The following KCTD16 variants were observed in gnomAD, a reference collection of about 807,000 sequenced individuals.
The protein encoded by KCTD16 is potassium channel tetramerization domain containing 16, also known as BTB/POZ domain-containing protein KCTD16.
A neutral mutation model predicts 33.2 loss-of-function variants in KCTD16; 13 were observed. That is an observed-to-expected ratio of 0.39 (90% CI 0.25 to 0.62). The LOEUF is 0.62. Ranked by LOEUF, KCTD16 falls within the 20% of genes least tolerant of loss-of-function variation. The pLI, the probability that KCTD16 is intolerant of heterozygous loss-of-function variation, is 0.50. For synonymous variants in KCTD16, 197 were observed against 195.3 expected, an observed-to-expected ratio of 1.01 and a Z score of -0.07; for missense variants, 441 against 525.1, an observed-to-expected ratio of 0.84 and a Z score of 1.57.
intron 3 of KCTD16, among the ~76,000 whole-genome samples, chr5:144,395,502 A>T (rs1364955649): frequency 6.6e-6 from 1 of 152,162 alleles, no homozygotes; most frequent in African/African-American, 2.4e-5. Context: ...GTCTCAGCAC[A>T]GTTGTTTGGT....
intron 3 of KCTD16, among the ~76,000 whole-genome samples, chr5:144,285,539 A>C (rs1207898432): frequency 1.3e-5 from 2 of 152,208 alleles, no homozygotes; most frequent in Non-Finnish European, 2.9e-5. Context: ...TCCAGATATC[A>C]ATATGGGAAC....
At chr5:144,177,064 G>T (rs1752525493) in intron 2 of KCTD16, among the ~76,000 whole-genome samples, 1 of 151,970 alleles carries the variant, frequency 6.6e-6, no homozygotes, top group Non-Finnish European at 1.5e-5. Context: ...TGTTGTTGTT[G>T]TTGCAATTGC....
chr5:144,416,939 C>T (rs1753067770), intron 3 of KCTD16, among the ~76,000 whole-genome samples: 1 of 152,130 alleles, frequency 6.6e-6, no homozygotes, highest in Non-Finnish European at 1.5e-5. Context: ...TACCATCTAG[C>T]ATGTATCAAT....
intron 3 of KCTD16, among the ~76,000 whole-genome samples, chr5:144,446,804 A>T (rs1201654645): frequency 6.6e-6 from 1 of 152,234 alleles, no homozygotes; most frequent in Non-Finnish European, 1.5e-5. Flanking sequence ...ACATATGAAA[A>T]AAAGCTCATC....
At position 144,388,180 on chromosome 5, in the gene KCTD16, C is replaced by T. The variant is rs1368787174; in HGVS notation, c.833-85480C>T. On this transcript the variant is annotated intron_variant, in intron 3 of 3. Coordinates refer to ENST00000512467, the MANE Select transcript of KCTD16 (RefSeq NM_020768.4). ...CTGCAAGCTCCGCCTCCCGGGTTCA[C>T]GCCATTCTCCTCTCTCAGCCTCCCG... is the stretch of plus-strand genomic sequence containing the variant. 6.8e-5 allele frequency among the ~76,000 whole-genome samples: 10 copies of T among 147,340 alleles called. No homozygotes were observed. In the Admixed American group the frequency reaches 6.9e-4, roughly 10 times the overall value.
intron 3 of KCTD16, among the ~76,000 whole-genome samples, chr5:144,321,012 C>T (rs955418717): frequency 2.0e-5 from 3 of 152,056 alleles, no homozygotes; most frequent in South Asian, 2.1e-4. Flanking sequence ...CATGCCACCA[C>T]ACTTGGGTAA....
Position 144,327,729 on chromosome 5 carries a change from A to G in KCTD16, c.832+120183A>G, listed in dbSNP as rs117012598. 3.9e-4 allele frequency among the ~76,000 whole-genome samples: 60 copies of G among 152,308 alleles called. No individual in the cohort carries two copies. In the East Asian group the frequency reaches 5.6e-3, roughly 14 times the overall value. On this transcript the variant is annotated intron_variant, in intron 3 of 3. Transcript: ENST00000512467. Reference sequence around the variant, plus strand: ...TTTTTCATCCTGCTTTTTATTTAATATATGTAGGATGTAATTCTATGAACA... The same window carrying G: ...TTTTTCATCCTGCTTTTTATTTAATGTATGTAGGATGTAATTCTATGAACA...
At chr5:144,203,823 C>T (rs1419837092) in intron 2 of KCTD16, among the ~76,000 whole-genome samples, 1 of 152,102 alleles carries the variant, frequency 6.6e-6, no homozygotes, top group Non-Finnish European at 1.5e-5. Flanking sequence ...GCAGTGCATG[C>T]CAAGTAAACT....
intron 3 of KCTD16, among the ~76,000 whole-genome samples, chr5:144,217,319 AG>A (rs1180279826): frequency 6.6e-6 from 1 of 152,204 alleles, no homozygotes; most frequent in Admixed American, 6.5e-5. Context: ...TTTTCTTTCT[AG>A]TCAACTAGGT....
At chr5:144,470,284 G>T (rs1418488553) in intron 3 of KCTD16, among the ~76,000 whole-genome samples, 2 of 152,120 alleles carry the variant, frequency 1.3e-5, no homozygotes, top group African/African-American at 2.4e-5. Context: ...GCTTACATGT[G>T]TCATTTCTGT....
intron 3 of KCTD16, among the ~76,000 whole-genome samples, chr5:144,234,216 G>C (rs1754184066): frequency 6.6e-6 from 1 of 152,082 alleles, no homozygotes; most frequent in African/African-American, 2.4e-5. Context: ...AAATTCAAAA[G>C]TCAAGACAAA....
At chr5:144,381,943 C>A (rs1318971416) in intron 3 of KCTD16, among the ~76,000 whole-genome samples, 1 of 152,112 alleles carries the variant, frequency 6.6e-6, no homozygotes, top group African/African-American at 2.4e-5. Flanking sequence ...CATTGCAGCA[C>A]TATTTACAAT....
chr5:144,345,579 A>G (rs959944810), intron 3 of KCTD16, among the ~76,000 whole-genome samples: 11 of 152,150 alleles, frequency 7.2e-5, no homozygotes, highest in African/African-American at 2.4e-4. Flanking sequence ...ATATTTACCG[A>G]GTACCTATCT....
intron 3 of KCTD16, among the ~76,000 whole-genome samples, chr5:144,222,687 G>C (rs1416043241): frequency 6.6e-6 from 1 of 152,220 alleles, no homozygotes; most frequent in Non-Finnish European, 1.5e-5. Flanking sequence ...CTTTTACACT[G>C]TTGGTGGGAC....
chr5:144,204,178 A>G (rs1753107565), intron 2 of KCTD16, among the ~76,000 whole-genome samples: 1 of 152,240 alleles, frequency 6.6e-6, no homozygotes, highest in Non-Finnish European at 1.5e-5. Flanking sequence ...TTTTTGGGCA[A>G]GAGTTGGCAA....
At chr5:144,219,513 C>CTTCTTT (rs1561533390) in intron 3 of KCTD16, among the ~76,000 whole-genome samples, 1 of 77,130 alleles carries the variant, frequency 1.3e-5, no homozygotes, top group Non-Finnish European at 2.3e-5. Context: ...TGTGCTGGGC[C>CTTCTTT]TTTTTTTTTT....
intron 3 of KCTD16, among the ~76,000 whole-genome samples, chr5:144,325,164 T>A (rs1400544509): frequency 1.3e-5 from 2 of 152,092 alleles, no homozygotes; most frequent in East Asian, 3.8e-4. Context: ...TTCCCTCTGA[T>A]TATTTGGACA....
intron 3 of KCTD16, among the ~76,000 whole-genome samples, chr5:144,248,410 G>T (rs1754607519): frequency 6.6e-6 from 1 of 152,184 alleles, no homozygotes; most frequent in African/African-American, 2.4e-5. Context: ...AAACAAACTG[G>T]CAGGAACTGT....
At position 144,481,600 on chromosome 5, in the gene KCTD16, G is replaced by T. The variant is rs1047029084; in HGVS notation, c.*7486G>T. 2.0e-5 allele frequency: 3 copies of T among 151,868 alleles called. No homozygotes were observed. The highest frequency in any genetic ancestry group is 3.9e-4 in the East Asian group (2 of 5,162). The allele number at this position is 151,868 out of a possible 1,614,324, so 9.4% of individuals were successfully genotyped here. On this transcript the variant is annotated 3_prime_UTR_variant, in exon 4 of 4. Coordinates refer to ENST00000512467, the MANE Select transcript of KCTD16 (RefSeq NM_020768.4). ...ATCCCAGGGATGGAATTATGGTAGGGTCATTCTAATTCCATTTTATACAAG... is the reference window on the plus strand; with the variant it reads ...ATCCCAGGGATGGAATTATGGTAGGTTCATTCTAATTCCATTTTATACAAG...
Sources: gnomAD v4.1 joint callset for allele counts (sites outside exome capture counted in the v4.1 genomes callset) on GRCh38, gnomAD v4.1.1 for gene constraint, MANE v1.5 for transcripts, NCBI Gene and HGNC (gene_info 2026-07-23, HGNC 2026-07-21) for gene names.